FRMD3: variants seen among roughly 807,000 people sequenced by gnomAD.
The protein encoded by FRMD3 is FERM domain containing 3.
FRMD3 carries 33 observed loss-of-function variants against 70.2 expected under a neutral mutation model. That is an observed-to-expected ratio of 0.47 (90% confidence interval 0.36 to 0.63). The LOEUF (loss-of-function observed/expected upper bound fraction) is 0.63, where lower values mean the gene tolerates loss of function less well. Among genes scored for constraint, FRMD3 ranks in the 20% least tolerant of loss-of-function variants. The pLI is 0.00. For synonymous variants in FRMD3, 279 were observed against 255.9 expected, an observed-to-expected ratio of 1.09 and a Z score of -0.86; for missense variants, 632 against 711.4, an observed-to-expected ratio of 0.89 and a Z score of 1.27.
At chr9:83,285,486 A>C (rs7856762) in intron 13 of FRMD3, among the ~76,000 whole-genome samples, 25,908 of 152,074 alleles carry the variant, frequency 0.17, 2,329 homozygotes, top group African/African-American at 0.21. Context: ...GGGGAAAACA[A>C]ATATTTTCAA....
chr9:83,462,064 G>C (rs771169589), intron 1 of FRMD3, among the ~76,000 whole-genome samples: 1 of 152,102 alleles, frequency 6.6e-6, no homozygotes, highest in South Asian at 2.1e-4. Flanking sequence ...AAAAGACCTG[G>C]AGAAGTTGAA....
chr9:83,557,445 T>C, the FRMD3 span, among the ~76,000 whole-genome samples: 1 of 152,248 alleles, frequency 6.6e-6, no homozygotes, highest in African/African-American at 2.4e-5. Context: ...GCTTTTTATC[T>C]GCCTGCATGG....
intron 1 of FRMD3, among the ~76,000 whole-genome samples, chr9:83,463,050 T>G (rs923301617): frequency 1.1e-4 from 17 of 152,172 alleles, no homozygotes; most frequent in African/African-American, 3.9e-4. Context: ...AAAAGAAGGA[T>G]GCAAAAATTG....
intron 2 of FRMD3, among the ~76,000 whole-genome samples, chr9:83,382,089 T>A (rs1044185595): frequency 8.5e-4 from 129 of 152,310 alleles, no homozygotes; most frequent in African/African-American, 3.0e-3. Context: ...TATTTTAAAG[T>A]ACGCTAGTAA....
At chr9:83,267,225 T>G in intron 13 of FRMD3, 1 of 1,532,740 alleles carries the variant, frequency 6.5e-7, no homozygotes, top group Non-Finnish European at 8.8e-7. Context: ...TTAAAGGACC[T>G]AGGCAGGACC....
intron 10 of FRMD3, among the ~76,000 whole-genome samples, chr9:83,300,819 G>A (rs1038931208): frequency 4.6e-5 from 7 of 152,142 alleles, no homozygotes; most frequent in African/African-American, 1.4e-4. Context: ...GATGTACGAA[G>A]GAGAATAAGG....
chr9:83,362,406 A>C (rs994883329), intron 3 of FRMD3, among the ~76,000 whole-genome samples: 1 of 152,132 alleles, frequency 6.6e-6, no homozygotes, highest in Admixed American at 6.5e-5. Flanking sequence ...TCTGAGCACC[A>C]CTGTCATCAG....
At chr9:83,416,757 C>CTCTCTCTCTG in intron 1 of FRMD3, among the ~76,000 whole-genome samples, 1 of 108,860 alleles carries the variant, frequency 9.2e-6, no homozygotes, top group East Asian at 2.6e-4. Flanking sequence ...CTCTCTCTCT[C>CTCTCTCTCTG]TCTCTCTCTC....
the FRMD3 span, among the ~76,000 whole-genome samples, chr9:83,572,188 T>C: frequency 2.0e-5 from 3 of 152,048 alleles, no homozygotes; most frequent in Admixed American, 6.6e-5. Flanking sequence ...CGCATGTGTG[T>C]GTGTGTAGGC....
At chr9:83,274,546 C>T (rs2118843566) in intron 13 of FRMD3, among the ~76,000 whole-genome samples, 1 of 152,270 alleles carries the variant, frequency 6.6e-6, no homozygotes. Flanking sequence ...ACAGCCAGAG[C>T]AAGGGAACCA....
chr9:83,471,510 G>A (rs939519234), intron 1 of FRMD3, among the ~76,000 whole-genome samples: 11 of 152,158 alleles, frequency 7.2e-5, no homozygotes, highest in East Asian at 3.9e-4. Context: ...GTGGGACACC[G>A]GCTTGGGAAA....
intron 13 of FRMD3, among the ~76,000 whole-genome samples, chr9:83,278,084 G>A (rs1833851731): frequency 2.0e-5 from 3 of 152,216 alleles, no homozygotes; most frequent in Non-Finnish European, 1.5e-5. Context: ...ATTAGGCACT[G>A]AGGGAAGACC....
Position 83,248,153 on chromosome 9 carries a change from C to A in FRMD3, c.1559G>T (p.Arg520Leu). The part of the protein sequence containing the change: ...WSYDILTGHI[R>L]VNPLVKSFSR... ...AAAACTCTTGACCAGTGGGTTCACC[C>A]GAATATGGCCAGTCAGAATGTCATA... Residue 520 changes from arginine to leucine, a missense_variant, in exon 14 of 14, where the codon CGG becomes CTG. This residue lies in a region of FRMD3 where 418 missense variants were observed against 442.1 expected (regional missense o/e 0.95). Transcript: ENST00000304195. The A allele has an allele frequency of 1.2e-6, 2 of 1,614,114 alleles. No homozygotes were observed. Among genetic ancestry groups the A allele is most frequent in the Non-Finnish European group, 1.7e-6 (2 of 1,180,024 alleles).
At chr9:83,281,334 T>C (rs1307840492) in intron 13 of FRMD3, among the ~76,000 whole-genome samples, 1 of 152,164 alleles carries the variant, frequency 6.6e-6, no homozygotes, top group African/African-American at 2.4e-5. Flanking sequence ...AGTGAGAGTG[T>C]CTATTTATCT....
At chr9:83,459,223 C>T (rs1036531675) in intron 1 of FRMD3, among the ~76,000 whole-genome samples, 1 of 152,182 alleles carries the variant, frequency 6.6e-6, no homozygotes, top group African/African-American at 2.4e-5. Context: ...TGGCTGTTAA[C>T]TCCACTGACA....
chr9:83,407,865 C>CTT (rs1826160141), intron 1 of FRMD3, among the ~76,000 whole-genome samples: 10 of 128,040 alleles, frequency 7.8e-5, no homozygotes, highest in Admixed American at 3.0e-4. Flanking sequence ...CTCTCTCTCT[C>CTT]TCTCTCTCAT....
chr9:83,418,178 C>A (rs1183286387), intron 1 of FRMD3, among the ~76,000 whole-genome samples: 1 of 151,874 alleles, frequency 6.6e-6, no homozygotes, highest in African/African-American at 2.4e-5. Flanking sequence ...GGGATAAAAG[C>A]CAGACAGTGT....
chr9:83,309,686 T>A lies in FRMD3; in HGVS notation c.838-62A>T, dbSNP rs913638969. 5 of 456,010 alleles carry A rather than the reference T, an allele frequency of 1.1e-5. No individual in the cohort carries two copies. In the East Asian group the frequency reaches 3.6e-4, roughly 33 times the overall value. 28.2% of individuals were successfully genotyped at this position (456,010 alleles called of 1,614,324 possible). A position where few individuals can be genotyped will look rare whatever the true frequency, so the allele number is the denominator to read the frequency against. On this transcript the variant is annotated intron_variant, in intron 9 of 13. Transcript: ENST00000304195. ...AAATACCATTTACATTTTCCATGGG[T>A]TTTTTTTTTTCAGGTGTTTACCTCT...
intron 1 of FRMD3, among the ~76,000 whole-genome samples, chr9:83,471,097 C>T (rs1269686837): frequency 6.6e-6 from 1 of 152,132 alleles, no homozygotes; most frequent in Non-Finnish European, 1.5e-5. Flanking sequence ...AGGTGACATC[C>T]CTCTGCCTCT....
Sources: allele counts gnomAD v4.1 joint callset (sites outside exome capture counted in the v4.1 genomes callset), GRCh38; gene constraint gnomAD v4.1.1; regional missense constraint gnomAD v4.1.1; transcripts MANE v1.5; gene names NCBI Gene and HGNC (gene_info 2026-07-23, HGNC 2026-07-21).